Variants in TAFA2 observed in about 807,000 individuals in gnomAD.
The protein encoded by TAFA2 is chemokine-like protein TAFA-2.
A neutral mutation model predicts 18.8 loss-of-function variants in TAFA2; 7 were observed. The ratio of observed to expected loss-of-function variants is 0.37; its 90% CI spans 0.21 to 0.70. The LOEUF (loss-of-function observed/expected upper bound fraction) is 0.70, where lower values mean the gene tolerates loss of function less well. TAFA2 is among the 30% of genes least tolerant of loss of function. The pLI, the probability that TAFA2 is intolerant of heterozygous loss-of-function variation, is 0.53. For synonymous variants in TAFA2, 60 were observed against 54.2 expected (o/e 1.11, Z -0.47); for missense variants, 122 against 158.1 (o/e 0.77, Z 1.23).
chr12:62,220,229 A>T (rs995073860), intron 1 of TAFA2, among the ~76,000 whole-genome samples: 2 of 152,140 alleles, frequency 1.3e-5, no homozygotes, highest in African/African-American at 2.4e-5. Flanking sequence ...CATTACTTTT[A>T]AAAAATTACA....
intron 1 of TAFA2, among the ~76,000 whole-genome samples, chr12:62,124,454 G>A (rs572171311): frequency 3.3e-5 from 5 of 152,148 alleles, no homozygotes; most frequent in Non-Finnish European, 5.9e-5. Flanking sequence ...ATCACAAAGT[G>A]CATTCCACAT....
upstream of TAFA2, among the ~76,000 whole-genome samples, chr12:62,194,180 ATTTT>A (rs1384618805): frequency 6.6e-6 from 1 of 152,076 alleles, no homozygotes; most frequent in Non-Finnish European, 1.5e-5. Context: ...ATCTTACAGT[ATTTT>A]TTTGTCTGCT....
At chr12:61,795,865 A>G (rs1419594258) in intron 2 of TAFA2, among the ~76,000 whole-genome samples, 1 of 152,096 alleles carries the variant, frequency 6.6e-6, no homozygotes, top group Admixed American at 6.6e-5. Context: ...AGATAAATAG[A>G]TAAGTGGAAC....
At chr12:62,025,611 A>G (rs1194714257) in intron 1 of TAFA2, among the ~76,000 whole-genome samples, 3 of 152,136 alleles carry the variant, frequency 2.0e-5, no homozygotes, top group African/African-American at 7.2e-5. Flanking sequence ...CAGAGTGGGT[A>G]AAATTTAGTC....
intron 1 of TAFA2, among the ~76,000 whole-genome samples, chr12:62,122,832 C>T (rs76348267): frequency 0.055 from 8,312 of 152,210 alleles, 272 homozygotes; most frequent in South Asian, 0.086. Context: ...TAGGGGTATG[C>T]AGCACACAAA....
At chr12:61,843,029 G>T (rs977774075) in intron 2 of TAFA2, among the ~76,000 whole-genome samples, 3 of 152,050 alleles carry the variant, frequency 2.0e-5, no homozygotes, top group African/African-American at 7.2e-5. Flanking sequence ...CAGAGGGGAA[G>T]TTGAGATGAA....
At chr12:61,799,596 G>T (rs1299259315) in intron 2 of TAFA2, among the ~76,000 whole-genome samples, 2 of 152,178 alleles carry the variant, frequency 1.3e-5, no homozygotes, top group African/African-American at 4.8e-5. Context: ...GCCGAGGCGG[G>T]CGGATCACGA....
intron 1 of TAFA2, among the ~76,000 whole-genome samples, chr12:61,995,144 C>A (rs1163191713): frequency 6.6e-6 from 1 of 152,200 alleles, no homozygotes; most frequent in African/African-American, 2.4e-5. Flanking sequence ...TTCTCCAAGG[C>A]TACACATAAT....
At chr12:62,019,152 A>T (rs1194765595) in intron 1 of TAFA2, among the ~76,000 whole-genome samples, 3 of 152,248 alleles carry the variant, frequency 2.0e-5, no homozygotes, top group East Asian at 3.9e-4. Context: ...TTAGAATGGC[A>T]ATCATTAAAA....
At chr12:62,259,631 T>C (rs1345981963), upstream of TAFA2, 1 of 152,290 alleles carries the variant, frequency 6.6e-6, no homozygotes, top group Non-Finnish European at 1.5e-5. Flanking sequence ...AATGTTACTA[T>C]CCTGTATAAA....
At chr12:62,084,710 A>T (rs1407520966) in intron 1 of TAFA2, among the ~76,000 whole-genome samples, 1 of 152,184 alleles carries the variant, frequency 6.6e-6, no homozygotes, top group East Asian at 1.9e-4. Flanking sequence ...GAGTTATCAG[A>T]CAAATACAGG....
intron 1 of TAFA2, among the ~76,000 whole-genome samples, chr12:62,237,847 C>A (rs1341475996): frequency 6.6e-6 from 1 of 152,170 alleles, no homozygotes; most frequent in Non-Finnish European, 1.5e-5. Flanking sequence ...AAAGGGGATA[C>A]CCTGATTGTG....
intron 1 of TAFA2, among the ~76,000 whole-genome samples, chr12:62,033,702 G>T (rs748745375): frequency 6.6e-6 from 1 of 151,794 alleles, no homozygotes; most frequent in East Asian, 1.9e-4. Context: ...ATATATACAC[G>T]TTATATACCA....
chr12:61,859,838 C>T (rs183154509), intron 2 of TAFA2, among the ~76,000 whole-genome samples: 1 of 152,140 alleles, frequency 6.6e-6, no homozygotes, highest in Admixed American at 6.5e-5. Flanking sequence ...GAGGGGCTGA[C>T]GACATTCTAA....
chr12:62,249,206 T>C (rs1024864297), intron 1 of TAFA2, among the ~76,000 whole-genome samples: 4 of 151,592 alleles, frequency 2.6e-5, no homozygotes, highest in East Asian at 1.9e-4. Flanking sequence ...GTACAGCCAA[T>C]TGATAGACTG....
chr12:61,810,049 C>T (rs557746655), intron 2 of TAFA2, among the ~76,000 whole-genome samples: 1 of 151,520 alleles, frequency 6.6e-6, no homozygotes, highest in Non-Finnish European at 1.5e-5. Context: ...ATTTCCTTCT[C>T]TCATGATCTT....
chr12:62,182,477 C>T (rs952187143), intron 1 of TAFA2, among the ~76,000 whole-genome samples: 7 of 152,150 alleles, frequency 4.6e-5, no homozygotes, highest in African/African-American at 1.7e-4. Flanking sequence ...TTTCTAAAGC[C>T]ATGCAACTCA....
chr12:61,766,640 G>T lies in TAFA2; in HGVS notation c.107-11616C>A, dbSNP rs1055746673. ...CTAAATTTTGTGGACCAAATCTATG[G>T]CTTTTAATCTATGAATATCCAGCTT... On this transcript the variant is annotated intron_variant, in intron 2 of 4. Coordinates refer to ENST00000416284, the MANE Select transcript of TAFA2 (RefSeq NM_178539.5). 1.1e-4 allele frequency among the ~76,000 whole-genome samples: 17 copies of T among 152,028 alleles called. No individual in the cohort carries two copies. In the East Asian group the frequency reaches 3.1e-3, roughly 28 times the overall value.
chr12:61,878,929 C>T (rs1444196743), intron 1 of TAFA2, among the ~76,000 whole-genome samples: 3 of 152,118 alleles, frequency 2.0e-5, no homozygotes, highest in Non-Finnish European at 4.4e-5. Context: ...ATGGAATCAC[C>T]CCTCTTGCAG....
Sources: allele counts gnomAD v4.1 joint callset (sites outside exome capture counted in the v4.1 genomes callset), GRCh38; gene constraint gnomAD v4.1.1; transcripts MANE v1.5; gene names NCBI Gene and HGNC (gene_info 2026-07-23, HGNC 2026-07-21).